The following LSP1 variants were observed in gnomAD, a reference collection of about 807,000 sequenced individuals.
LSP1 encodes lymphocyte-specific protein 1.
LSP1 carries 32 observed loss-of-function variants against 49.3 expected under a neutral mutation model. The observed-to-expected ratio is 0.65, with a 90% CI of 0.49 to 0.87. The LOEUF (loss-of-function observed/expected upper bound fraction) is 0.87, where lower values mean the gene tolerates loss of function less well. LSP1 is among the 40% of genes least tolerant of loss of function. The pLI, the probability that LSP1 is intolerant of heterozygous loss-of-function variation, is 0.00. For missense variants in LSP1, 428 were observed against 442.6 expected, an observed-to-expected ratio of 0.97 and a Z score of 0.30; for synonymous variants, 179 against 178.8, an observed-to-expected ratio of 1.00 and a Z score of -0.01.
chr11:1,881,313 C>A, intron 2 of LSP1, 119 bp from the exon 3 acceptor site: 1 of 994,494 alleles, frequency 1.0e-6, no homozygotes, highest in Non-Finnish European at 1.4e-6. Context: ...AGCTCTGTGG[C>A]AGACAGGGTC....
intron 1 of LSP1, among the ~76,000 whole-genome samples, chr11:1,872,620 C>G (rs1250878496): frequency 3.5e-5 from 5 of 144,512 alleles, no homozygotes; most frequent in African/African-American, 1.3e-4. Flanking sequence ...TGCAGTCACC[C>G]CGGTGCACGC....
chr11:1,875,635 C>T (rs1848275286), intron 1 of LSP1, among the ~76,000 whole-genome samples: 1 of 152,348 alleles, frequency 6.6e-6, no homozygotes. Context: ...TGCCCACTGG[C>T]GTGGGACTAC....
chr11:1,873,011 T>C (rs1378745607), intron 1 of LSP1, among the ~76,000 whole-genome samples: 2 of 151,396 alleles, frequency 1.3e-5, no homozygotes, highest in African/African-American at 4.9e-5. Context: ...TCGGATTGGG[T>C]GGGTAAGGAA....
At chr11:1,887,743 G>C (rs1436455893) in intron 10 of LSP1, among the ~76,000 whole-genome samples, 167 bp downstream of exon 10, 1 of 152,166 alleles carries the variant, frequency 6.6e-6, no homozygotes, top group East Asian at 1.9e-4. Context: ...TGCAGATGCT[G>C]CCTCTCTCAC....
At chr11:1,853,852 C>T (rs1847421824) in intron 1 of LSP1, among the ~76,000 whole-genome samples, 1 of 152,150 alleles carries the variant, frequency 6.6e-6, no homozygotes. Context: ...ACTGCCAGAG[C>T]TGGGCAGAAA....
intron 1 of LSP1, among the ~76,000 whole-genome samples, chr11:1,858,836 C>G (rs910970270): frequency 3.9e-5 from 6 of 152,196 alleles, no homozygotes; most frequent in Admixed American, 6.5e-5. Context: ...AGCCGTGTCC[C>G]ACCCAGCACG....
rs141902712 is a variant in LSP1 at position 1,884,572 on chromosome 11, G to T, written c.708G>T (p.Gln236His). 1.9e-6 allele frequency: 3 copies of T among 1,613,680 alleles called. No individual in the cohort carries two copies. In the African/African-American group the frequency reaches 4.0e-5, roughly 22 times the overall value. Residue 236 changes from glutamine to histidine, a missense_variant, in exon 7 of 11, where the codon CAG becomes CAT. Gln to His is a conservative substitution (Grantham distance 24). Transcript: ENST00000311604. The surrounding 1 kb of genome is among the most constrained non-coding windows in gnomAD (Gnocchi z 4.1). ...KIDQWLEQYT[Q>H]AIETAGRTPK... ...ATCAGTGGCTGGAACAATACACCCAGGCCATCGAGGTATGACCTGGCTCCC... is the reference window on the plus strand; with the variant it reads ...ATCAGTGGCTGGAACAATACACCCATGCCATCGAGGTATGACCTGGCTCCC...
chr11:1,859,897 T>C (rs1043087360), intron 1 of LSP1, among the ~76,000 whole-genome samples: 10 of 152,106 alleles, frequency 6.6e-5, no homozygotes, highest in Non-Finnish European at 1.0e-4. Context: ...CGGGAGCCAA[T>C]GAGGCCACCA....
At chr11:1,869,717 G>A (rs1163695233) in intron 1 of LSP1, 3 of 470,772 alleles carry the variant, frequency 6.4e-6, no homozygotes, top group South Asian at 4.6e-5. Flanking sequence ...CTGGAGGAAC[G>A]CAGTGAGGCC....
chr11:1,889,786 C>T, intron 10 of LSP1: 1 of 647,614 alleles, frequency 1.5e-6, no homozygotes, highest in Non-Finnish European at 2.8e-6. Context: ...ATGGGCACCA[C>T]AACCCTGGCA....
At chr11:1,877,434 T>C (rs1973765) in intron 1 of LSP1, among the ~76,000 whole-genome samples, 57,331 of 152,020 alleles carry the variant, frequency 0.38, 11,879 homozygotes, top group East Asian at 0.71. Flanking sequence ...CTGCATCCCC[T>C]ACTCTGTCCC....
rs549911379 is a variant in LSP1, at chr11:1,857,664, C to T, written c.53+4467C>T. Among the ~76,000 whole-genome samples, 36 of 152,296 alleles carry T rather than the reference C, an allele frequency of 2.4e-4. 1 individual carries two copies. The highest frequency in any genetic ancestry group is 2.3e-3 in the East Asian group (12 of 5,172). On this transcript the variant is annotated intron_variant, in intron 1 of 10. Transcript: ENST00000311604. ...CGGAGTGCTTTCTGGATGAGTAAGCCGCACCCCTCTGAAGCCTCAGTTTCC... is the reference window on the plus strand; with the variant it reads ...CGGAGTGCTTTCTGGATGAGTAAGCTGCACCCCTCTGAAGCCTCAGTTTCC...
At chr11:1,858,265 G>C (rs1317978301) in intron 1 of LSP1, among the ~76,000 whole-genome samples, 1 of 152,160 alleles carries the variant, frequency 6.6e-6, no homozygotes. Flanking sequence ...GGCACCAGGA[G>C]GGAGCTGGGC....
At chr11:1,866,888 G>C (rs1034531018) in intron 1 of LSP1, 1 of 1,525,236 alleles carries the variant, frequency 6.6e-7, no homozygotes, top group African/African-American at 1.4e-5. Flanking sequence ...CGTCCAGCGG[G>C]CCCAGCACCA....
intron 10 of LSP1, chr11:1,890,658 C>T (rs569898117): frequency 7.6e-6 from 5 of 657,264 alleles, no homozygotes; most frequent in African/African-American, 7.1e-5. Flanking sequence ...GCCTGTGTCT[C>T]CTGTGGTCCA....
intron 1 of LSP1, among the ~76,000 whole-genome samples, chr11:1,877,646 G>A (rs544623874): frequency 4.6e-5 from 7 of 152,168 alleles, no homozygotes; most frequent in African/African-American, 9.6e-5. Context: ...GGAGGGGGAC[G>A]TGGTCCCCTT....
At chr11:1,885,507 A>G (rs1848718676) in intron 7 of LSP1, among the ~76,000 whole-genome samples, 1 of 151,158 alleles carries the variant, frequency 6.6e-6, no homozygotes, top group South Asian at 2.1e-4. Context: ...CCATCCAATA[A>G]TGCCTTGCAC....
chr11:1,879,876 C>T (rs534933673), intron 1 of LSP1, among the ~76,000 whole-genome samples: 11 of 152,276 alleles, frequency 7.2e-5, no homozygotes, highest in African/African-American at 1.2e-4. Context: ...CCAGGACCCT[C>T]GCCTGGGCCA....
At chr11:1,857,042 G>A (rs1383334211) in intron 1 of LSP1, among the ~76,000 whole-genome samples, 1 of 152,212 alleles carries the variant, frequency 6.6e-6, no homozygotes, top group African/African-American at 2.4e-5. Flanking sequence ...CAGGATCCCT[G>A]GGGAGGTCCC....
Sources: allele counts gnomAD v4.1 joint callset (sites outside exome capture counted in the v4.1 genomes callset), GRCh38; gene constraint gnomAD v4.1.1; non-coding constraint Gnocchi (gnomAD v3.1); transcripts MANE v1.5; gene names NCBI Gene and HGNC (gene_info 2026-07-23, HGNC 2026-07-21).